LOC400499: variants seen among roughly 807,000 people sequenced by gnomAD.
chr16:11,416,025 G>A, the LOC400499 span, among the ~76,000 whole-genome samples: 3 of 150,546 alleles, frequency 2.0e-5, no homozygotes, highest in Admixed American at 1.3e-4. Context: ...GCGTGATCTC[G>A]GCTCACTGCA....
chr16:11,425,220 G>T, the LOC400499 span: 3 of 399,010 alleles, frequency 7.5e-6, no homozygotes, highest in African/African-American at 2.1e-5. Context: ...AGCCAGGCTG[G>T]CTGCATGGGC....
chr16:11,453,264 C>G, the LOC400499 span, among the ~76,000 whole-genome samples: 40 of 152,244 alleles, frequency 2.6e-4, no homozygotes, highest in Middle Eastern at 3.4e-3. Flanking sequence ...CTTTGCTAAA[C>G]TGCTGGTTTT....
the LOC400499 span, chr16:11,487,127 G>T: frequency 1.3e-5 from 5 of 396,854 alleles, no homozygotes; most frequent in Non-Finnish European, 2.2e-5. Context: ...GGGCAGGTGG[G>T]TGACTAGATA....
At chr16:11,467,934 T>C in the LOC400499 span, among the ~76,000 whole-genome samples, 304 of 152,036 alleles carry the variant, frequency 2.0e-3, 2 homozygotes, top group East Asian at 0.033. Context: ...CTGGTGTCCT[T>C]ATAAAAAGGG....
chr16:11,415,184 C>A, the LOC400499 span, among the ~76,000 whole-genome samples: 1 of 152,202 alleles, frequency 6.6e-6, no homozygotes, highest in East Asian at 1.9e-4. Context: ...TCCCATCACC[C>A]CCTACAGAAC....
chr16:11,494,507 C>A, the LOC400499 span: 12 of 395,256 alleles, frequency 3.0e-5, no homozygotes, highest in Non-Finnish European at 5.4e-5. Context: ...CCACCTGGAG[C>A]TTGCCTGATT....
At chr16:11,500,902 T>C in the LOC400499 span, 1 of 399,110 alleles carries the variant, frequency 2.5e-6, no homozygotes. Context: ...GCTGATGCGA[T>C]GAGTTCCTTC....
chr16:11,428,419 C>G, the LOC400499 span, among the ~76,000 whole-genome samples: 1 of 152,192 alleles, frequency 6.6e-6, no homozygotes, highest in Non-Finnish European at 1.5e-5. Context: ...GGTGATCCAC[C>G]TGCTTCAACC....
the LOC400499 span, among the ~76,000 whole-genome samples, chr16:11,438,712 C>G: frequency 6.6e-6 from 1 of 151,954 alleles, no homozygotes; most frequent in Non-Finnish European, 1.5e-5. Context: ...CCGCTTGACC[C>G]CAGGTGGTCA....
chr16:11,501,074 G>A, the LOC400499 span: 1 of 394,126 alleles, frequency 2.5e-6, no homozygotes. Context: ...GTGCAGACAT[G>A]CCCACCCTCA....
chr16:11,402,450 C>T, the LOC400499 span, among the ~76,000 whole-genome samples: 1 of 152,198 alleles, frequency 6.6e-6, no homozygotes, highest in South Asian at 2.1e-4. Flanking sequence ...CTGGGCTGGC[C>T]TCGTGACGTG....
At chr16:11,446,611 T>C in the LOC400499 span, 3 of 1,536,100 alleles carry the variant, frequency 2.0e-6, no homozygotes, top group Non-Finnish European at 2.6e-6. Context: ...TTTGCCATCG[T>C]ATGGATGCAT....
At chr16:11,514,251 G>A in the LOC400499 span, 4 of 398,218 alleles carry the variant, frequency 1.0e-5, no homozygotes, top group African/African-American at 6.2e-5. Context: ...TAGGTCAGAG[G>A]TGTCCAGGCC....
the LOC400499 span, among the ~76,000 whole-genome samples, chr16:11,509,266 T>C: frequency 2.2e-4 from 33 of 151,686 alleles, no homozygotes; most frequent in Admixed American, 9.8e-4. Flanking sequence ...TACAGGCGCC[T>C]GCCACCACGC....
chr16:11,374,401 G>C, the LOC400499 span, among the ~76,000 whole-genome samples: 1 of 152,196 alleles, frequency 6.6e-6, no homozygotes, highest in Non-Finnish European at 1.5e-5. Flanking sequence ...TTCAGTGTAA[G>C]TACATGCACA....
the LOC400499 span, among the ~76,000 whole-genome samples, chr16:11,375,890 C>A: frequency 6.6e-6 from 1 of 152,084 alleles, no homozygotes; most frequent in South Asian, 2.1e-4. Context: ...CCACCATGCC[C>A]AGCTAATTTT....
At chr16:11,474,763 G>A in the LOC400499 span, among the ~76,000 whole-genome samples, 1 of 152,038 alleles carries the variant, frequency 6.6e-6, no homozygotes. Flanking sequence ...CAGCTACTCA[G>A]GAGGCTGAGA....
At chr16:11,397,897 G>A in the LOC400499 span, among the ~76,000 whole-genome samples, 1 of 151,990 alleles carries the variant, frequency 6.6e-6, no homozygotes, top group African/African-American at 2.4e-5. Flanking sequence ...GGGGATGGAT[G>A]GAAGATAGGA....
At chr16:11,406,859 C>A in the LOC400499 span, among the ~76,000 whole-genome samples, 1 of 152,216 alleles carries the variant, frequency 6.6e-6, no homozygotes, top group African/African-American at 2.4e-5. Flanking sequence ...CACTTCAGTA[C>A]GTTTTCTCCG....
Sources: gnomAD v4.1 joint callset for allele counts (sites outside exome capture counted in the v4.1 genomes callset) on GRCh38, gnomAD v4.1.1 for gene constraint, MANE v1.5 for transcripts.